MROH2B: variants seen among roughly 807,000 people sequenced by gnomAD.
The protein encoded by MROH2B is maestro heat like repeat family member 2B.
Under a neutral mutation model 208.6 loss-of-function variants are expected in MROH2B, and 177 were observed. The ratio of observed to expected loss-of-function variants is 0.85; its 90% CI spans 0.75 to 0.96. MROH2B has a LOEUF of 0.96. Ranked by LOEUF, MROH2B falls within the 40% of genes least tolerant of loss-of-function variation. The pLI is 0.00. For missense variants in MROH2B, 2,002 were observed against 1,878.7 expected (o/e 1.07, Z -1.21); for synonymous variants, 728 against 659.0 (o/e 1.10, Z -1.60).
rs1224550050 is a variant in MROH2B at position 41,015,451 on chromosome 5, T to C, written c.2912A>G (p.Gln971Arg). ...KGIHLEVERLQGLQEGLESDD... is the reference protein window; with the variant it reads ...KGIHLEVERLRGLQEGLESDD... ...ACTTTCCAGCCCTTCCTGCAAACCC[T>C]GCAGTCTTTCCACTTCCAAGTGAAT... Residue 971 changes from glutamine to arginine, a missense_variant, in exon 29 of 42, where the codon CAG becomes CGG. By Grantham distance (43) the Gln-to-Arg change is conservative. Transcript: ENST00000399564. 2 of 1,613,592 alleles carry C rather than the reference T, an allele frequency of 1.2e-6. No homozygotes were observed. The highest frequency in any genetic ancestry group is 4.5e-5 in the East Asian group (2 of 44,878).
At chr5:41,031,618 C>A (rs325826) in intron 24 of MROH2B, among the ~76,000 whole-genome samples, 2 of 151,854 alleles carry the variant, frequency 1.3e-5, no homozygotes, top group Non-Finnish European at 2.9e-5. Context: ...TAGGTTCAGA[C>A]GGTACATGTG....
intron 21 of MROH2B, among the ~76,000 whole-genome samples, chr5:41,037,373 A>C (rs1214087527): frequency 2.0e-5 from 3 of 152,168 alleles, no homozygotes; most frequent in African/African-American, 7.2e-5. Context: ...ACTGCTTCTC[A>C]GATTTTGGGG....
intron 9 of MROH2B, 102 bp from the exon 10 acceptor site, chr5:41,055,957 C>A: frequency 1.3e-6 from 1 of 780,920 alleles, no homozygotes; most frequent in Non-Finnish European, 2.2e-6. Context: ...ATCCAAGGCA[C>A]TCTTCAGTTG....
At position 41,008,563 on chromosome 5, in the gene MROH2B, G is replaced by A. The variant is rs549162512; in HGVS notation, c.3608+43C>T. The A allele has an allele frequency of 1.8e-4, 284 of 1,602,896 alleles. 2 individuals are homozygous for A. The South Asian group carries it at 3.0e-3, about 17-fold the overall frequency. ...CTGCAGCACCACTCCTGGAGTCTGG[G>A]ATTAGGACCACTGTGGAAGATGCTT... On this transcript the variant is annotated intron_variant, in intron 33 of 41. Coordinates refer to ENST00000399564, the MANE Select transcript of MROH2B (RefSeq NM_173489.5).
chr5:41,004,715 T>C (rs1356979646), intron 36 of MROH2B, 59 bp downstream of exon 36: 30 of 1,574,438 alleles, frequency 1.9e-5, no homozygotes, highest in Non-Finnish European at 2.5e-5. Flanking sequence ...CGTGGGTTAT[T>C]AAATCATTAT....
At chr5:41,069,572 T>C in intron 2 of MROH2B, 119 bp downstream of exon 2, 1 of 739,928 alleles carries the variant, frequency 1.4e-6, no homozygotes, top group Non-Finnish European at 2.3e-6. Context: ...TACTGAAAAA[T>C]CTAATGCCAT....
chr5:41,006,765 C>T (rs892224817), intron 34 of MROH2B, among the ~76,000 whole-genome samples: 9 of 152,084 alleles, frequency 5.9e-5, no homozygotes, highest in Admixed American at 2.6e-4. Context: ...TGTTCTGTCT[C>T]ATATGTGGGA....
At chr5:41,058,634 T>C (rs1743537859) in intron 6 of MROH2B, among the ~76,000 whole-genome samples, 2 of 152,170 alleles carry the variant, frequency 1.3e-5, no homozygotes, top group African/African-American at 2.4e-5. Context: ...ATTTTTGTAA[T>C]ACTAGATTTT....
At position 41,019,612 on chromosome 5, in the gene MROH2B, T is replaced by C. The variant is rs141763588; in HGVS notation, c.2442-594A>G. ...TAGATATGACTTCAAAAAATGCACA[T>C]GTTCAATACCCATGAAAAACTCCAT... On this transcript the variant is annotated intron_variant, in intron 24 of 41. Transcript: ENST00000399564. 1.5e-3 allele frequency among the ~76,000 whole-genome samples: 235 copies of C among 152,306 alleles called. 2 individuals carry two copies. Among genetic ancestry groups the C allele is most frequent in the Non-Finnish European group, 2.4e-3 (166 of 68,022 alleles).
At chr5:41,006,608 G>T (rs552245655) in intron 34 of MROH2B, among the ~76,000 whole-genome samples, 2 of 152,142 alleles carry the variant, frequency 1.3e-5, no homozygotes, top group East Asian at 3.9e-4. Context: ...ATCAATGAGT[G>T]GATAAAGAAA....
At chr5:41,000,873 G>A in intron 37 of MROH2B, 40 bp from the exon 38 acceptor site, 4 of 1,579,298 alleles carry the variant, frequency 2.5e-6, no homozygotes, top group South Asian at 2.4e-5. Flanking sequence ...TATCCTCTCA[G>A]AGGCCATTCC....
intron 35 of MROH2B, chr5:41,005,236 C>T: frequency 1.9e-6 from 1 of 519,316 alleles, no homozygotes. Context: ...GTCTTCAGGC[C>T]GGAATTTGAA....
chr5:41,070,992 TGATTGGCACAATGGTCTGG>T lies in MROH2B; in HGVS notation c.-159_-141del. On this transcript the variant is annotated 5_prime_UTR_variant, in exon 1 of 42. An upstream open reading frame in the 5' UTR gains an earlier in-frame stop. Coordinates refer to ENST00000399564, the MANE Select transcript of MROH2B (RefSeq NM_173489.5). ...TCTAAATGAAAGTGCCTCCTCCACT[TGATTGGCACAATGGTCTGG>T]GAGCTTCCAGAGATGGGCTTGCTGT... 1 of 756,326 alleles carries T rather than the reference TGATTGGCACAATGGTCTGG, an allele frequency of 1.3e-6. No homozygotes were observed. The highest frequency in any genetic ancestry group is 2.2e-6 in the Non-Finnish European group (1 of 449,662). 46.9% of individuals were successfully genotyped at this position (756,326 alleles called of 1,614,324 possible). A position where few individuals can be genotyped will look rare whatever the true frequency, so the allele number is the denominator to read the frequency against.
At chr5:41,005,087 A>G in intron 35 of MROH2B, 167 bp from the exon 36 acceptor site, 1 of 859,714 alleles carries the variant, frequency 1.2e-6, no homozygotes. Context: ...TGAGCTCTAG[A>G]TATGAGCAGC....
Position 41,033,087 on chromosome 5 carries a change from T to C in MROH2B, c.2315A>G (p.Gln772Arg). 1 of 1,613,126 alleles carries C rather than the reference T, an allele frequency of 6.2e-7. No homozygotes were observed. Among genetic ancestry groups the C allele is most frequent in the Non-Finnish European group, 8.5e-7 (1 of 1,179,314 alleles). ...CTCCTTGTAGGAAAACTGGAACCCC[T>C]GATCCTCAGCATCTTGGACAGCAAT... Reference protein sequence around the residue: ...IGIAVQDAEDQGFQFSYKEML... With the variant: ...IGIAVQDAEDRGFQFSYKEML... The change falls in exon 23 of 42, where the codon CAG becomes CGG. Residue 772 changes from glutamine to arginine, a missense_variant. Coordinates refer to ENST00000399564, the MANE Select transcript of MROH2B (RefSeq NM_173489.5).
At chr5:41,061,452 T>G in intron 6 of MROH2B, 118 bp downstream of exon 6, 1 of 894,996 alleles carries the variant, frequency 1.1e-6, no homozygotes, top group Non-Finnish European at 1.6e-6. Context: ...ATAAATCTCA[T>G]AAAATACAAC....
intron 31 of MROH2B, 69 bp from the exon 32 acceptor site, chr5:41,009,475 C>T: frequency 6.4e-7 from 1 of 1,565,582 alleles, no homozygotes; most frequent in Non-Finnish European, 8.7e-7. Context: ...TTCCATCTGA[C>T]TCACTCTAAA....
chr5:41,019,444 G>A (rs1053607742), intron 24 of MROH2B, among the ~76,000 whole-genome samples: 5 of 152,072 alleles, frequency 3.3e-5, no homozygotes, highest in African/African-American at 4.8e-5. Flanking sequence ...TCAATTTCAC[G>A]TCTCTTTTCA....
intron 24 of MROH2B, among the ~76,000 whole-genome samples, chr5:41,027,238 AG>A (rs898935082): frequency 1.3e-5 from 2 of 152,354 alleles, no homozygotes; most frequent in Admixed American, 6.5e-5. Context: ...AACTACCATC[AG>A]AGTGAACAGA....
Sources: gnomAD v4.1 joint callset for allele counts (sites outside exome capture counted in the v4.1 genomes callset) on GRCh38, gnomAD v4.1.1 for gene constraint, MANE v1.5 for transcripts, NCBI Gene and HGNC (gene_info 2026-07-23, HGNC 2026-07-21) for gene names.